Variants in DNAH7 observed in about 807,000 individuals in gnomAD.
DNAH7 encodes axonemal beta dynein heavy chain 7.
DNAH7 carries 397 observed loss-of-function variants against 444.6 expected under a neutral mutation model. That is an observed-to-expected ratio of 0.89 (90% CI 0.82 to 0.97). The LOEUF is 0.97. DNAH7 is among the 50% of genes least tolerant of loss of function. The probability of loss-of-function intolerance (pLI) is 0.00; values close to 1 mark genes in which losing one functional copy is unlikely to be tolerated. For missense variants in DNAH7, 4,902 were observed against 4,800.8 expected, an observed-to-expected ratio of 1.02 and a Z score of -0.62; for synonymous variants, 1,636 against 1,624.4, an observed-to-expected ratio of 1.01 and a Z score of -0.17.
chr2:195,836,717 T>C (rs1193481215), intron 47 of DNAH7, among the ~76,000 whole-genome samples: 2 of 152,108 alleles, frequency 1.3e-5, no homozygotes, highest in Non-Finnish European at 2.9e-5. Flanking sequence ...AAAATATAAA[T>C]ATATAAAAAG....
At chr2:196,039,421 C>G (rs1696590709) in intron 5 of DNAH7, among the ~76,000 whole-genome samples, 1 of 151,992 alleles carries the variant, frequency 6.6e-6, no homozygotes, top group African/African-American at 2.4e-5. Context: ...AACATAAAAA[C>G]ATACCTTAAG....
intron 38 of DNAH7, among the ~76,000 whole-genome samples, chr2:195,874,411 A>G (rs1277105299): frequency 2.0e-5 from 3 of 152,168 alleles, no homozygotes; most frequent in East Asian, 3.8e-4. Flanking sequence ...CAGAATTGTG[A>G]TATTTTTAGA....
In DNAH7 at chr2:196,058,043, T is replaced by C. The variant is rs1697916400; in HGVS notation, c.78+11A>G. 1 of 1,504,666 alleles carries C rather than the reference T, an allele frequency of 6.6e-7. No homozygotes were observed. 93.2% of individuals were successfully genotyped at this position (1,504,666 alleles called of 1,614,324 possible). A position where few individuals can be genotyped will look rare whatever the true frequency, so the allele number is the denominator to read the frequency against. ...AAAGGAATGAAGTATGATGGTATAT[T>C]GGTAAATTACCATAGACAGCTGTGG... On this transcript the variant is annotated intron_variant, in intron 2 of 64. Transcript: ENST00000312428.
chr2:196,009,338 T>C (rs530470841), intron 10 of DNAH7, among the ~76,000 whole-genome samples: 22 of 152,316 alleles, frequency 1.4e-4, no homozygotes, highest in Admixed American at 3.9e-4. Flanking sequence ...TAGTGAATTT[T>C]ATGGTAAATG....
chr2:195,927,412 G>T (rs1310487693), intron 21 of DNAH7, among the ~76,000 whole-genome samples: 8 of 152,114 alleles, frequency 5.3e-5, no homozygotes, highest in African/African-American at 1.9e-4. Flanking sequence ...ATAAAGGGCA[G>T]AATGCTGGGT....
At chr2:195,813,842 C>G (rs1423285099) in intron 51 of DNAH7, among the ~76,000 whole-genome samples, 1 of 152,128 alleles carries the variant, frequency 6.6e-6, no homozygotes, top group Non-Finnish European at 1.5e-5. Context: ...TTATACTTCC[C>G]CAACAATAGA....
chr2:195,966,686 G>A (rs531646546), intron 17 of DNAH7, among the ~76,000 whole-genome samples: 11 of 152,158 alleles, frequency 7.2e-5, no homozygotes, highest in African/African-American at 2.4e-4. Flanking sequence ...ATTGATCCTT[G>A]TATCGTTATA....
chr2:195,779,123 G>C (rs540887031), intron 58 of DNAH7, among the ~76,000 whole-genome samples: 1 of 152,232 alleles, frequency 6.6e-6, no homozygotes, highest in South Asian at 2.1e-4. Context: ...GATTACAGGC[G>C]TGACGTACCG....
At position 195,824,259 on chromosome 2, in the gene DNAH7, A is replaced by G; in HGVS notation, c.9287T>C (p.Val3096Ala). The change falls in exon 49 of 65, where the codon GTA becomes GCA. Residue 3096 changes from valine (V) to alanine (A), a missense_variant. By Grantham distance (64) the Val-to-Ala change is moderately conservative. Coordinates refer to ENST00000312428, the MANE Select transcript of DNAH7 (RefSeq NM_018897.3). ...RNPHYLPETSVKVTLLNFMIT... is the reference protein window; with the variant it reads ...RNPHYLPETSAKVTLLNFMIT... The stretch of plus-strand genomic sequence containing the variant: ...ACATTCATTTTATATACTGGCCTTT[A>G]CTGATGTTTCAGGAAGATAATGAGG... The G allele has an allele frequency of 6.2e-7, 1 of 1,611,660 alleles. No individual in the cohort carries two copies. The highest frequency in any genetic ancestry group is 1.1e-5 in the South Asian group (1 of 90,630).
At chr2:196,067,764 AAAG>A (rs1421555775) in intron 1 of DNAH7, among the ~76,000 whole-genome samples, 1 of 152,244 alleles carries the variant, frequency 6.6e-6, no homozygotes, top group Non-Finnish European at 1.5e-5. Flanking sequence ...AAGCAATAAA[AAAG>A]AAATAATTAC....
rs1689093587 is a variant in DNAH7 at position 195,936,915 on chromosome 2, G to A, written c.3079-123C>T. 5.9e-6 allele frequency: 5 copies of A among 841,586 alleles called. No individual in the cohort carries two copies. The South Asian group carries it at 1.5e-4, about 26-fold the overall frequency. 52.1% of individuals were successfully genotyped at this position (841,586 alleles called of 1,614,324 possible). ...AAAGGTTATGTAAATTTTAAGGGGAGTATTTGTTTTTTAAAAGTAGTCTTG... is the reference window on the plus strand; with the variant it reads ...AAAGGTTATGTAAATTTTAAGGGGAATATTTGTTTTTTAAAAGTAGTCTTG... On this transcript the variant is annotated intron_variant, in intron 19 of 64. Coordinates refer to ENST00000312428, the MANE Select transcript of DNAH7 (RefSeq NM_018897.3).
intron 12 of DNAH7, chr2:195,994,433 G>C (rs910168684): frequency 9.4e-6 from 6 of 638,202 alleles, no homozygotes; most frequent in Non-Finnish European, 1.7e-5. Flanking sequence ...GTAAAAAGTT[G>C]GCTGGGGAGG....
Position 195,857,392 on chromosome 2 carries a change from A to G in DNAH7, c.8399T>C (p.Met2800Thr). ...CAGCACTTACTTATCATATGAATCC[A>G]TTGCTATGACCCATTTGCACAGACC... ...AEGLCKWVIA[M>T]DSYDKVAKIV... Residue 2800 changes from methionine to threonine, a missense_variant, in exon 44 of 65, where the codon ATG becomes ACG. Met to Thr is a moderately conservative substitution (Grantham distance 81, BLOSUM62 -1). Coordinates refer to ENST00000312428, the MANE Select transcript of DNAH7 (RefSeq NM_018897.3). 1 of 1,580,664 alleles carries G rather than the reference A, an allele frequency of 6.3e-7. No homozygotes were observed. The highest frequency in any genetic ancestry group is 8.6e-7 in the Non-Finnish European group (1 of 1,168,418).
intron 40 of DNAH7, among the ~76,000 whole-genome samples, chr2:195,868,158 C>T (rs555146761): frequency 8.1e-4 from 108 of 133,514 alleles, no homozygotes; most frequent in South Asian, 1.4e-3. Flanking sequence ...TGCAGTGGTG[C>T]GATCTCGGCT....
At chr2:196,036,622 T>C (rs1696411224) in intron 5 of DNAH7, among the ~76,000 whole-genome samples, 1 of 151,540 alleles carries the variant, frequency 6.6e-6, no homozygotes, top group South Asian at 2.1e-4. Context: ...CACCTGGGGG[T>C]CCAGGGACCA....
chr2:195,839,784 A>G (rs1305208839), intron 47 of DNAH7, among the ~76,000 whole-genome samples: 2 of 151,752 alleles, frequency 1.3e-5, no homozygotes, highest in East Asian at 3.8e-4. Context: ...GCAATTTCTG[A>G]AAAGACAGAA....
intron 7 of DNAH7, 76 bp from the exon 8 acceptor site, chr2:196,024,580 G>T: frequency 1.3e-6 from 1 of 763,928 alleles, no homozygotes; most frequent in Non-Finnish European, 2.0e-6. Context: ...TGCAAAGCTA[G>T]TTCTACTAAG....
chr2:195,855,473 A>G (rs1699635834), intron 45 of DNAH7, among the ~76,000 whole-genome samples: 2 of 152,112 alleles, frequency 1.3e-5, no homozygotes, highest in African/African-American at 4.8e-5. Flanking sequence ...ATTATATTCT[A>G]GTAATCTAAG....
intron 49 of DNAH7, among the ~76,000 whole-genome samples, chr2:195,823,617 A>G (rs530676097): frequency 6.6e-6 from 1 of 152,162 alleles, no homozygotes; most frequent in East Asian, 1.9e-4. Context: ...GCCTCTGTAA[A>G]TGAAAGCAAT....
Sources: gnomAD v4.1 joint callset for allele counts (sites outside exome capture counted in the v4.1 genomes callset) on GRCh38, gnomAD v4.1.1 for gene constraint, MANE v1.5 for transcripts, NCBI Gene and HGNC (gene_info 2026-07-23, HGNC 2026-07-21) for gene names.